The following PIGK variants were observed in gnomAD, a reference collection of about 807,000 sequenced individuals.
PIGK encodes GPI-anchor transamidase.
A neutral mutation model predicts 50.6 loss-of-function variants in PIGK; 42 were observed. That is an observed-to-expected ratio of 0.83 (90% CI 0.65 to 1.07). The LOEUF is 1.07. Among genes scored for constraint, PIGK ranks in the 50% least tolerant of loss-of-function variants. The pLI is 0.00. For synonymous variants in PIGK, 151 were observed against 156.0 expected (o/e 0.97, Z 0.24); for missense variants, 448 against 488.7 (o/e 0.92, Z 0.78).
At chr1:77,109,236 G>T (rs1400612390) in intron 10 of PIGK, among the ~76,000 whole-genome samples, 1 of 152,168 alleles carries the variant, frequency 6.6e-6, no homozygotes, top group Non-Finnish European at 1.5e-5. Context: ...AGAAAAAGAG[G>T]GAATCCTCCC....
intron 9 of PIGK, among the ~76,000 whole-genome samples, chr1:77,144,405 CAT>C (rs1285610380): frequency 1.3e-5 from 2 of 151,952 alleles, no homozygotes; most frequent in African/African-American, 4.8e-5. Context: ...TTATAAATAT[CAT>C]ATGATTTGTA....
chr1:77,198,560 A>C (rs1656087501), intron 3 of PIGK, among the ~76,000 whole-genome samples: 1 of 152,008 alleles, frequency 6.6e-6, no homozygotes, highest in Non-Finnish European at 1.5e-5. Context: ...GGAGTTTAGC[A>C]AGTTGCTAGA....
rs554777176 is a variant in PIGK, at chr1:77,211,648, T to C, written c.94-1159A>G. Among the ~76,000 whole-genome samples the C allele has an allele frequency of 5.9e-5, 9 of 152,174 alleles. No individual in the cohort carries two copies. In the East Asian group the frequency reaches 1.7e-3, roughly 29 times the overall value. On this transcript the variant is annotated intron_variant, in intron 1 of 10. Transcript: ENST00000370812. The stretch of plus-strand genomic sequence containing the variant: ...CTCTTTGAACTTCTCATAGACATCT[T>C]TTTAATCCTTTAATCATTTAATAGT...
rs188717737 is a variant in PIGK at position 77,091,320 on chromosome 1, C to T, written c.*1054G>A. ...ATGAGCTCTTGCATCTTACCAGAGACTAGAAAAGGGGCTTACTGCCTTATA... is the reference window on the plus strand; with the variant it reads ...ATGAGCTCTTGCATCTTACCAGAGATTAGAAAAGGGGCTTACTGCCTTATA... On this transcript the variant is annotated 3_prime_UTR_variant, in exon 11 of 11. Coordinates refer to ENST00000370812, the MANE Select transcript of PIGK (RefSeq NM_005482.3). 16 of 152,230 alleles carry T rather than the reference C, an allele frequency of 1.1e-4. No homozygotes were observed. Among genetic ancestry groups the T allele is most frequent in the African/African-American group, 3.4e-4 (14 of 41,530 alleles). The allele number at this position is 152,230 out of a possible 1,614,324, so 9.4% of individuals were successfully genotyped here.
At chr1:77,169,453 A>G in intron 3 of PIGK, 58 bp from the exon 4 acceptor site, 1 of 1,363,844 alleles carries the variant, frequency 7.3e-7, no homozygotes. Context: ...AGTTAAACAC[A>G]AATTTATTTA....
chr1:77,122,647 A>G (rs1308120029), intron 9 of PIGK, among the ~76,000 whole-genome samples: 1 of 152,194 alleles, frequency 6.6e-6, no homozygotes, highest in African/African-American at 2.4e-5. Context: ...TCTGTCCAAA[A>G]GAGGGTGTTT....
At chr1:77,195,621 T>C (rs2100579093) in intron 3 of PIGK, among the ~76,000 whole-genome samples, 1 of 152,250 alleles carries the variant, frequency 6.6e-6, no homozygotes, top group South Asian at 2.1e-4. Context: ...GCCACTAATG[T>C]GCTAATGTGA....
At chr1:77,182,553 T>C (rs974767145) in intron 3 of PIGK, among the ~76,000 whole-genome samples, 2 of 152,082 alleles carry the variant, frequency 1.3e-5, no homozygotes, top group Non-Finnish European at 2.9e-5. Context: ...CACACACATA[T>C]GTGAGTTTAT....
intron 3 of PIGK, chr1:77,195,486 C>G (rs1367649251): frequency 1.2e-5 from 9 of 751,998 alleles, no homozygotes; most frequent in African/African-American, 1.8e-5. Context: ...AAAAGAATGA[C>G]TATTAAAATG....
chr1:77,134,448 G>T (rs1054140077), intron 9 of PIGK, among the ~76,000 whole-genome samples: 1 of 152,208 alleles, frequency 6.6e-6, no homozygotes, highest in African/African-American at 2.4e-5. Flanking sequence ...CAAATATCTT[G>T]AAAAGGAAAG....
intron 9 of PIGK, among the ~76,000 whole-genome samples, chr1:77,135,390 C>T (rs1049977433): frequency 2.6e-5 from 4 of 151,826 alleles, no homozygotes; most frequent in African/African-American, 9.7e-5. Flanking sequence ...GTACTATGTA[C>T]TATGTGTATA....
At chr1:77,217,455 A>T (rs2100592671) in intron 1 of PIGK, among the ~76,000 whole-genome samples, 1 of 152,334 alleles carries the variant, frequency 6.6e-6, no homozygotes, top group South Asian at 2.1e-4. Flanking sequence ...AAGAGAAAGA[A>T]AAAATTTGAA....
chr1:77,130,777 T>C (rs991789822), intron 9 of PIGK, among the ~76,000 whole-genome samples: 1 of 152,106 alleles, frequency 6.6e-6, no homozygotes, highest in Non-Finnish European at 1.5e-5. Context: ...AGGCAGAATG[T>C]AGTAATAGTT....
At chr1:77,114,308 A>C (rs1653916868) in intron 10 of PIGK, among the ~76,000 whole-genome samples, 1 of 152,158 alleles carries the variant, frequency 6.6e-6, no homozygotes, top group African/African-American at 2.4e-5. Flanking sequence ...ATTCATGTAT[A>C]AAATGGGAAC....
chr1:77,215,945 C>T (rs535609593), intron 1 of PIGK, among the ~76,000 whole-genome samples: 22 of 151,966 alleles, frequency 1.4e-4, no homozygotes, highest in Middle Eastern at 3.4e-3. Flanking sequence ...AGGAAGGTGA[C>T]GGGGGGAGTA....
intron 2 of PIGK, 84 bp from the exon 3 acceptor site, chr1:77,206,815 A>G: frequency 1.3e-6 from 1 of 792,122 alleles, no homozygotes; most frequent in Non-Finnish European, 2.1e-6. Flanking sequence ...AGTAGGATAC[A>G]GAGATCTCTA....
At chr1:77,108,992 C>G (rs1397999555) in intron 10 of PIGK, among the ~76,000 whole-genome samples, 1 of 152,098 alleles carries the variant, frequency 6.6e-6, no homozygotes, top group Admixed American at 6.6e-5. Flanking sequence ...AGCCATTCGT[C>G]TAACCTTTTT....
At chr1:77,140,254 CTCTT>C (rs752274821) in intron 9 of PIGK, among the ~76,000 whole-genome samples, 17 of 152,074 alleles carry the variant, frequency 1.1e-4, no homozygotes, top group Non-Finnish European at 2.1e-4. Flanking sequence ...CACTCACTCA[CTCTT>C]TCTCTCTTGC....
chr1:77,190,445 T>C (rs1655877549), intron 3 of PIGK, among the ~76,000 whole-genome samples: 1 of 152,082 alleles, frequency 6.6e-6, no homozygotes, highest in Non-Finnish European at 1.5e-5. Flanking sequence ...ATGATATGTT[T>C]TTGTCTTAAA....
Sources: gnomAD v4.1 joint callset for allele counts (sites outside exome capture counted in the v4.1 genomes callset) on GRCh38, gnomAD v4.1.1 for gene constraint, MANE v1.5 for transcripts, NCBI Gene and HGNC (gene_info 2026-07-23, HGNC 2026-07-21) for gene names.